AXDND1: variants seen among roughly 807,000 people sequenced by gnomAD.
AXDND1 encodes the protein axonemal dynein light chain domain-containing protein 1.
AXDND1 carries 110 observed loss-of-function variants against 137.5 expected under a neutral mutation model. The observed-to-expected ratio is 0.80, with a 90% confidence interval of 0.69 to 0.94. The LOEUF is 0.94. AXDND1 is among the 40% of genes least tolerant of loss of function. The pLI is 0.00. For missense variants in AXDND1, 1,191 were observed against 1,169.8 expected (o/e 1.02, Z -0.26); for synonymous variants, 414 against 399.7 (o/e 1.04, Z -0.43).
chr1:179,416,243 C>T (rs181042817), intron 12 of AXDND1, among the ~76,000 whole-genome samples: 21 of 152,278 alleles, frequency 1.4e-4, no homozygotes, highest in African/African-American at 4.6e-4. Context: ...CCAGTTTCAT[C>T]CATGTTGCTG....
chr1:179,522,457 T>A (rs1009831599), intron 21 of AXDND1, among the ~76,000 whole-genome samples: 2 of 152,286 alleles, frequency 1.3e-5, no homozygotes, highest in South Asian at 2.1e-4. Context: ...TATAAGAATG[T>A]TTATTACAGC....
At chr1:179,406,510 G>A (rs1652995089) in intron 11 of AXDND1, among the ~76,000 whole-genome samples, 1 of 152,076 alleles carries the variant, frequency 6.6e-6, no homozygotes, top group Non-Finnish European at 1.5e-5. Context: ...TAGATCTAAT[G>A]TTTGCTTTAT....
intron 17 of AXDND1, among the ~76,000 whole-genome samples, chr1:179,480,646 GTTTC>G (rs1398696280): frequency 1.3e-5 from 2 of 152,108 alleles, no homozygotes; most frequent in African/African-American, 4.8e-5. Flanking sequence ...GCCTTGTAAG[GTTTC>G]TTTTTGTTGT....
At chr1:179,445,801 C>T (rs1048487702) in intron 16 of AXDND1, among the ~76,000 whole-genome samples, 2 of 152,144 alleles carry the variant, frequency 1.3e-5, no homozygotes, top group African/African-American at 4.8e-5. Flanking sequence ...ATATTGCTGA[C>T]ATAGACATTT....
At chr1:179,375,541 A>G (rs949834905) in intron 4 of AXDND1, among the ~76,000 whole-genome samples, 3 of 151,000 alleles carry the variant, frequency 2.0e-5, no homozygotes, top group Non-Finnish European at 4.4e-5. Flanking sequence ...ATATGTATAT[A>G]CAGGTATATA....
intron 11 of AXDND1, among the ~76,000 whole-genome samples, chr1:179,402,181 A>AT (rs1405123679): frequency 1.3e-5 from 2 of 151,720 alleles, no homozygotes; most frequent in Non-Finnish European, 2.9e-5. Flanking sequence ...AAAAAAAAAA[A>AT]ATCACCCTGT....
chr1:179,483,005 C>T (rs1490405322), intron 17 of AXDND1, 123 bp from the exon 18 acceptor site: 3 of 572,534 alleles, frequency 5.2e-6, no homozygotes, highest in Non-Finnish European at 8.9e-6. Context: ...CCTCAGTTCT[C>T]AAGCAGTTGT....
intron 20 of AXDND1, among the ~76,000 whole-genome samples, chr1:179,504,213 T>G (rs1162906865): frequency 6.6e-6 from 1 of 152,222 alleles, no homozygotes; most frequent in African/African-American, 2.4e-5. Context: ...TCAGAAGGAT[T>G]CTTCACAACA....
intron 11 of AXDND1, among the ~76,000 whole-genome samples, chr1:179,401,913 C>A (rs1242512445): frequency 6.6e-6 from 1 of 152,110 alleles, no homozygotes; most frequent in Non-Finnish European, 1.5e-5. Context: ...GTGGCTCAAG[C>A]CTGTAATCCC....
intron 9 of AXDND1, among the ~76,000 whole-genome samples, chr1:179,390,133 C>T (rs1260067545): frequency 2.0e-5 from 3 of 152,030 alleles, no homozygotes; most frequent in African/African-American, 2.4e-5. Context: ...TGTGTCTCAG[C>T]CACCCAAGTA....
At chr1:179,406,081 T>A (rs952896474) in intron 11 of AXDND1, among the ~76,000 whole-genome samples, 3 of 152,174 alleles carry the variant, frequency 2.0e-5, no homozygotes, top group Non-Finnish European at 4.4e-5. Context: ...TTCAAGACAT[T>A]TAAAAATTTT....
chr1:179,444,053 A>ATT (rs68061206), intron 15 of AXDND1, among the ~76,000 whole-genome samples: 56 of 146,080 alleles, frequency 3.8e-4, no homozygotes, highest in Middle Eastern at 3.5e-3. Context: ...AGTTTAGTGA[A>ATT]TTTTTTTTTT....
chr1:179,494,699 T>C (rs1291125032), intron 20 of AXDND1, among the ~76,000 whole-genome samples: 1 of 152,178 alleles, frequency 6.6e-6, no homozygotes, highest in Non-Finnish European at 1.5e-5. Flanking sequence ...AGAGAAGTTC[T>C]TAATTTTGAT....
chr1:179,529,282 G>A (rs1336330816), intron 23 of AXDND1, among the ~76,000 whole-genome samples: 1 of 152,186 alleles, frequency 6.6e-6, no homozygotes, highest in Non-Finnish European at 1.5e-5. Context: ...TGGATTGGGG[G>A]ATCAATAGAT....
intron 15 of AXDND1, among the ~76,000 whole-genome samples, chr1:179,437,830 CA>C (rs1289835371): frequency 1.3e-5 from 2 of 152,200 alleles, no homozygotes; most frequent in East Asian, 3.9e-4. Context: ...CTATTTAAAT[CA>C]AGAATTTTGT....
intron 15 of AXDND1, among the ~76,000 whole-genome samples, chr1:179,438,224 C>T (rs936164516): frequency 2.2e-4 from 33 of 151,904 alleles, no homozygotes; most frequent in African/African-American, 7.7e-4. Flanking sequence ...TGAAAGCTAC[C>T]GGCAAATCGG....
intron 21 of AXDND1, among the ~76,000 whole-genome samples, chr1:179,519,268 T>C (rs1233236228): frequency 1.3e-5 from 2 of 152,336 alleles, no homozygotes; most frequent in East Asian, 3.9e-4. Flanking sequence ...AAGTTCCTCA[T>C]AGATGTTGGA....
chr1:179,490,437 C>T (rs1397246158), intron 18 of AXDND1, among the ~76,000 whole-genome samples: 2 of 152,178 alleles, frequency 1.3e-5, no homozygotes, highest in African/African-American at 4.8e-5. Flanking sequence ...CAGAGGTTCT[C>T]AAACTTTCTC....
At chr1:179,481,306 C>T (rs897577707) in intron 17 of AXDND1, among the ~76,000 whole-genome samples, 8 of 150,410 alleles carry the variant, frequency 5.3e-5, no homozygotes, top group East Asian at 1.9e-4. Context: ...CTACAAAGGA[C>T]GTGAACTCAT....
Sources: gnomAD v4.1 joint callset for allele counts (sites outside exome capture counted in the v4.1 genomes callset) on GRCh38, gnomAD v4.1.1 for gene constraint, MANE v1.5 for transcripts, NCBI Gene and HGNC (gene_info 2026-07-23, HGNC 2026-07-21) for gene names.